DDI2: variants seen among roughly 807,000 people sequenced by gnomAD.
DDI2 encodes DDI proteasomal shuttling factor 2.
In DDI2, 5 loss-of-function variants were observed where a neutral mutation model predicts 48.1. That is an observed-to-expected ratio of 0.10 (90% CI 0.05 to 0.22). The LOEUF (loss-of-function observed/expected upper bound fraction) is 0.22. DDI2 is among the 10% of genes least tolerant of loss of function. DDI2 has a pLI of 1.00. For synonymous variants in DDI2, 205 were observed against 183.6 expected (o/e 1.12, Z -0.94); for missense variants, 285 against 506.2 (o/e 0.56, Z 4.19).
chr1:15,642,782 G>A (rs1333094817), intron 5 of DDI2, among the ~76,000 whole-genome samples: 1 of 152,032 alleles, frequency 6.6e-6, no homozygotes, highest in East Asian at 1.9e-4. Context: ...AAATTAGCTG[G>A]ACGTGCCGGG....
At chr1:15,623,682 G>A (rs1182994321) in intron 1 of DDI2, among the ~76,000 whole-genome samples, 1 of 151,892 alleles carries the variant, frequency 6.6e-6, no homozygotes, top group African/African-American at 2.4e-5. Flanking sequence ...GAATTAAGGC[G>A]TGAGCCATGG....
Position 15,668,410 on chromosome 1 carries a change from A to G in DDI2, c.*8620A>G, listed in dbSNP as rs1640485297. On this transcript the variant is annotated 3_prime_UTR_variant, in exon 10 of 10. Transcript: ENST00000480945. ...CCGATCATCCTTTTGAAATAGTTCT[A>G]GTGATAAACTCAGAGAAATTCAATA... is the stretch of plus-strand genomic sequence containing the variant. The G allele has an allele frequency of 6.6e-6, 1 of 152,220 alleles. No individual in the cohort carries two copies. Among genetic ancestry groups the G allele is most frequent in the South Asian group, 2.1e-4 (1 of 4,830 alleles). 9.4% of individuals were successfully genotyped at this position (152,220 alleles called of 1,614,324 possible).
At chr1:15,641,452 A>G (rs1271150100) in intron 5 of DDI2, among the ~76,000 whole-genome samples, 1 of 152,016 alleles carries the variant, frequency 6.6e-6, no homozygotes, top group Non-Finnish European at 1.5e-5. Context: ...AGCCTGGGCA[A>G]CAGAGCAAGA....
At chr1:15,647,509 CT>C (rs1410564028) in intron 6 of DDI2, among the ~76,000 whole-genome samples, 1 of 152,048 alleles carries the variant, frequency 6.6e-6, no homozygotes, top group Admixed American at 6.6e-5. Flanking sequence ...TTTTTTCCCC[CT>C]AGTCAAGATT....
intron 3 of DDI2, 121 bp from the exon 4 acceptor site, chr1:15,633,318 C>A: frequency 8.8e-7 from 1 of 1,140,764 alleles, no homozygotes; most frequent in Non-Finnish European, 1.2e-6. Flanking sequence ...TTTAAATAAG[C>A]TTTAGGCATC....
At position 15,660,948 on chromosome 1, in the gene DDI2, T is replaced by C. The variant is rs373518364; in HGVS notation, c.*1158T>C. ...TAACGGCAGCCTTGAAAGAACTTCA[T>C]GAACTTTTGGTTGTTAGCAGTAAAC... On this transcript the variant is annotated 3_prime_UTR_variant, in exon 10 of 10. Transcript: ENST00000480945. 6.2e-7 allele frequency: 1 copy of C among 1,613,244 alleles called. No homozygotes were observed. The highest frequency in any genetic ancestry group is 1.3e-5 in the African/African-American group (1 of 74,844).
intron 3 of DDI2, 89 bp from the exon 4 acceptor site, chr1:15,633,350 G>A (rs1489812949): frequency 4.1e-6 from 6 of 1,465,422 alleles, no homozygotes; most frequent in Non-Finnish European, 5.6e-6. Context: ...TCTTACAGAT[G>A]TAGTTTGATA....
intron 3 of DDI2, among the ~76,000 whole-genome samples, chr1:15,631,441 A>G (rs1033163913): frequency 1.3e-5 from 2 of 152,226 alleles, no homozygotes; most frequent in African/African-American, 4.8e-5. Context: ...TTATGAATCG[A>G]GTTTTCTCTG....
In DDI2 at chr1:15,661,504, G is replaced by T; in HGVS notation, c.*1714G>T. On this transcript the variant is annotated 3_prime_UTR_variant, in exon 10 of 10. Coordinates refer to ENST00000480945, the MANE Select transcript of DDI2 (RefSeq NM_032341.5). ...AACCAGAGAAAATGTCTGTCCTGAT[G>T]CTTCGAGGCCATTACTTGAATATGA... 1 of 1,614,086 alleles carries T rather than the reference G, an allele frequency of 6.2e-7. No individual in the cohort carries two copies. The highest frequency in any genetic ancestry group is 8.5e-7 in the Non-Finnish European group (1 of 1,180,016).
rs181882736 is a variant in DDI2, at chr1:15,660,167, C to G, written c.*377C>G. ...AGTCCAGCTATGCCTATGCAGAATTCATCCGAAGAAATAACTGTTGCAGGT... is the reference window on the plus strand; with the variant it reads ...AGTCCAGCTATGCCTATGCAGAATTGATCCGAAGAAATAACTGTTGCAGGT... On this transcript the variant is annotated 3_prime_UTR_variant, in exon 10 of 10. Coordinates refer to ENST00000480945, the MANE Select transcript of DDI2 (RefSeq NM_032341.5). 16 of 1,614,098 alleles carry G rather than the reference C, an allele frequency of 9.9e-6. No individual in the cohort carries two copies. The highest frequency in any genetic ancestry group is 1.2e-5 in the Non-Finnish European group (14 of 1,180,052).
chr1:15,663,121 G>T lies in DDI2; in HGVS notation c.*3331G>T, dbSNP rs1640405701. 6.6e-6 allele frequency: 1 copy of T among 152,098 alleles called. No homozygotes were observed. Among genetic ancestry groups the T allele is most frequent in the South Asian group, 2.1e-4 (1 of 4,822 alleles). 9.4% of individuals were successfully genotyped at this position (152,098 alleles called of 1,614,324 possible). A position where few individuals can be genotyped will look rare whatever the true frequency, so the allele number is the denominator to read the frequency against. On this transcript the variant is annotated 3_prime_UTR_variant, in exon 10 of 10. Coordinates refer to ENST00000480945, the MANE Select transcript of DDI2 (RefSeq NM_032341.5). ...TCTGAAGTCTTGGTTTTATTGAAAAGAATTTTGAGATTCATAATTTCTGAT... is the reference window on the plus strand; with the variant it reads ...TCTGAAGTCTTGGTTTTATTGAAAATAATTTTGAGATTCATAATTTCTGAT...
rs765308657 is a variant in DDI2 at position 15,660,492 on chromosome 1, A to C, written c.*702A>C. 8.1e-6 allele frequency: 13 copies of C among 1,613,834 alleles called. No individual in the cohort carries two copies. Among genetic ancestry groups the C allele is most frequent in the Non-Finnish European group, 1.0e-5 (12 of 1,179,998 alleles). The stretch of plus-strand genomic sequence containing the variant: ...AAGAAAGGCAACAGAATCAACACAA[A>C]ATTGTTGATTTGGAAGCTACGATGA... On this transcript the variant is annotated 3_prime_UTR_variant, in exon 10 of 10. Transcript: ENST00000480945.
chr1:15,647,308 C>T (rs555543755), intron 6 of DDI2, among the ~76,000 whole-genome samples: 110 of 151,840 alleles, frequency 7.2e-4, no homozygotes, highest in African/African-American at 2.4e-3. Context: ...CTACCACACC[C>T]GGGTAATTTT....
chr1:15,657,693 G>T (rs1445398646), intron 9 of DDI2, among the ~76,000 whole-genome samples: 1 of 152,180 alleles, frequency 6.6e-6, no homozygotes, highest in Non-Finnish European at 1.5e-5. Flanking sequence ...TGCTTACATG[G>T]ATATTTCACT....
chr1:15,637,614 C>A (rs570062601), intron 4 of DDI2, among the ~76,000 whole-genome samples: 1 of 152,274 alleles, frequency 6.6e-6, no homozygotes, highest in East Asian at 1.9e-4. Flanking sequence ...GTGATCCACC[C>A]GCCTTGGCCT....
In DDI2 at chr1:15,626,661, T is replaced by C; in HGVS notation, c.139-8T>C. The C allele has an allele frequency of 6.2e-7, 1 of 1,614,092 alleles. No individual in the cohort carries two copies. Among genetic ancestry groups the C allele is most frequent in the Admixed American group, 1.7e-5 (1 of 60,016 alleles). ...CTTTATACTGTTGTATATCTTTTCT[T>C]GTTGTAGATCGTCTATGCGGAAAGA... is the stretch of plus-strand genomic sequence containing the variant. On this transcript the variant is annotated splice_polypyrimidine_tract_variant and splice_region_variant and intron_variant, in intron 1 of 9. Transcript: ENST00000480945.
At position 15,649,840 on chromosome 1, in the gene DDI2, C is replaced by G; in HGVS notation, c.993+17C>G. ...CGGCACCAGGTAATTAAGAGCTTCACTTATTTTTTTTGCATCTGCTTTTTG... is the reference window on the plus strand; with the variant it reads ...CGGCACCAGGTAATTAAGAGCTTCAGTTATTTTTTTTGCATCTGCTTTTTG... On this transcript the variant is annotated intron_variant, in intron 7 of 9. Coordinates refer to ENST00000480945, the MANE Select transcript of DDI2 (RefSeq NM_032341.5). The G allele has an allele frequency of 6.3e-7, 1 of 1,597,522 alleles. No homozygotes were observed. Among genetic ancestry groups the G allele is most frequent in the Admixed American group, 1.8e-5 (1 of 55,608 alleles).
chr1:15,648,857 C>G (rs888767311), intron 6 of DDI2, among the ~76,000 whole-genome samples: 8 of 122,420 alleles, frequency 6.5e-5, no homozygotes, highest in African/African-American at 2.3e-4. Flanking sequence ...AAAAAACAAC[C>G]CTAAAACCTA....
chr1:15,630,519 C>T lies in DDI2; in HGVS notation c.463C>T (p.Arg155Cys), dbSNP rs1053156819. 8.1e-6 allele frequency: 13 copies of T among 1,613,968 alleles called. No individual in the cohort carries two copies. Among genetic ancestry groups the T allele is most frequent in the African/African-American group, 5.3e-5 (4 of 74,904 alleles). The change falls in exon 3 of 10, where the codon CGC becomes TGC. Residue 155 changes from arginine (R) to cysteine (C), a missense_variant. Around this residue, in one of 3 missense-constraint regions of DDI2, gnomAD observed 149 missense variants for 236.5 expected, o/e 0.63. Transcript: ENST00000480945. ...NPHELSLLKE[R>C]NPPLAEALLS... ...GCATGAGCTGTCCTTGCTGAAGGAA[C>T]GCAATCCACCCCTGGCAGAAGCTCT... is the stretch of plus-strand genomic sequence containing the variant.
Sources: gnomAD v4.1 joint callset for allele counts (sites outside exome capture counted in the v4.1 genomes callset) on GRCh38, gnomAD v4.1.1 for gene constraint, gnomAD v4.1.1 regional missense constraint, MANE v1.5 for transcripts, NCBI Gene and HGNC (gene_info 2026-07-23, HGNC 2026-07-21) for gene names.